PTPRK: variants seen among roughly 807,000 people sequenced by gnomAD.
PTPRK encodes receptor-type tyrosine-protein phosphatase kappa.
In PTPRK, 75 loss-of-function variants were observed where a neutral mutation model predicts 178.0. The ratio of observed to expected loss-of-function variants is 0.42; its 90% CI spans 0.35 to 0.51. The LOEUF (loss-of-function observed/expected upper bound fraction) is 0.51, where lower values mean the gene tolerates loss of function less well. PTPRK is among the 20% of genes least tolerant of loss of function. The pLI is 0.02. For synonymous variants in PTPRK, 637 were observed against 620.6 expected (o/e 1.03, Z -0.39); for missense variants, 1,441 against 1,797.8 (o/e 0.80, Z 3.59).
intron 1 of PTPRK, among the ~76,000 whole-genome samples, chr6:128,493,556 G>A (rs1406790548): frequency 8.4e-5 from 11 of 130,786 alleles, no homozygotes; most frequent in South Asian, 2.4e-4. Flanking sequence ...GCGAGACTCC[G>A]TCTCAAAAAA....
chr6:128,371,803 G>C (rs1836330158), intron 2 of PTPRK, among the ~76,000 whole-genome samples: 1 of 151,944 alleles, frequency 6.6e-6, no homozygotes, highest in Admixed American at 6.6e-5. Context: ...TTAAACCTGG[G>C]AGGTCGAGGC....
chr6:128,346,791 C>T (rs757238497), intron 2 of PTPRK, among the ~76,000 whole-genome samples: 8 of 151,946 alleles, frequency 5.3e-5, no homozygotes, highest in Admixed American at 5.2e-4. Context: ...ATAGGATTAC[C>T]GTGAGGAATA....
chr6:128,124,103 G>A (rs1792935508), intron 7 of PTPRK, among the ~76,000 whole-genome samples: 1 of 151,438 alleles, frequency 6.6e-6, no homozygotes, highest in Non-Finnish European at 1.5e-5. Flanking sequence ...AAGTTCAGTG[G>A]CAACATCTCA....
intron 7 of PTPRK, among the ~76,000 whole-genome samples, chr6:128,111,138 A>T (rs1042864243): frequency 6.6e-6 from 1 of 152,218 alleles, no homozygotes; most frequent in Non-Finnish European, 1.5e-5. Context: ...CACTGCTATA[A>T]CCAAATATGA....
At chr6:128,007,147 T>G (rs185726889) in intron 14 of PTPRK, among the ~76,000 whole-genome samples, 99 of 151,002 alleles carry the variant, frequency 6.6e-4, no homozygotes, top group African/African-American at 2.3e-3. Context: ...TCTATACTTT[T>G]TTATATGTAT....
chr6:128,254,739 C>CA (rs374863884), intron 3 of PTPRK, among the ~76,000 whole-genome samples: 16,653 of 145,176 alleles, frequency 0.11, 970 homozygotes, highest in African/African-American at 0.14. Flanking sequence ...AGAAGTTAGT[C>CA]AAAAAAAAAA....
At chr6:128,257,318 CATTTT>C (rs985298136) in intron 3 of PTPRK, among the ~76,000 whole-genome samples, 1 of 150,970 alleles carries the variant, frequency 6.6e-6, no homozygotes, top group African/African-American at 2.4e-5. Flanking sequence ...TGCCTTTTTT[CATTTT>C]ATTTTATTTT....
chr6:128,086,719 A>G (rs1416696756), intron 8 of PTPRK, among the ~76,000 whole-genome samples: 1 of 152,166 alleles, frequency 6.6e-6, no homozygotes, highest in Non-Finnish European at 1.5e-5. Context: ...TTCTATGTAC[A>G]AAGTGAAGCT....
At chr6:128,082,715 T>C (rs371789012) in intron 9 of PTPRK, 77 bp from the exon 10 acceptor site, 54 of 1,157,712 alleles carry the variant, frequency 4.7e-5, no homozygotes, top group South Asian at 4.2e-4. Flanking sequence ...ATAAATAAGG[T>C]AGTATGCAAG....
At chr6:128,351,933 C>G (rs1452890208) in intron 2 of PTPRK, among the ~76,000 whole-genome samples, 1 of 152,028 alleles carries the variant, frequency 6.6e-6, no homozygotes, top group African/African-American at 2.4e-5. Context: ...TTCTATTGGG[C>G]CTTCTGATTA....
intron 1 of PTPRK, chr6:128,472,705 C>T: frequency 2.9e-6 from 1 of 350,870 alleles, no homozygotes; most frequent in Non-Finnish European, 5.6e-6. Flanking sequence ...TATATATTTC[C>T]AACTGTAACA....
intron 13 of PTPRK, among the ~76,000 whole-genome samples, chr6:128,056,832 A>G (rs985831541): frequency 1.3e-5 from 2 of 152,224 alleles, no homozygotes; most frequent in Non-Finnish European, 2.9e-5. Flanking sequence ...ATGAATGGGT[A>G]ATGGATAAAC....
intron 7 of PTPRK, among the ~76,000 whole-genome samples, chr6:128,103,651 T>C (rs1338284086): frequency 6.6e-6 from 1 of 152,202 alleles, no homozygotes; most frequent in Non-Finnish European, 1.5e-5. Flanking sequence ...CATCACATCC[T>C]TTTCATCAGA....
At chr6:128,122,464 A>G (rs1325173223) in intron 7 of PTPRK, among the ~76,000 whole-genome samples, 1 of 152,190 alleles carries the variant, frequency 6.6e-6, no homozygotes, top group East Asian at 1.9e-4. Flanking sequence ...AGAGACTGAT[A>G]AAACTTCTTA....
At chr6:128,394,913 T>C (rs1046745764) in intron 2 of PTPRK, among the ~76,000 whole-genome samples, 5 of 152,170 alleles carry the variant, frequency 3.3e-5, no homozygotes, top group Non-Finnish European at 5.9e-5. Context: ...AGCCAGTTAA[T>C]AGCACCAAGT....
chr6:128,000,852 G>C (rs191622591), intron 15 of PTPRK, among the ~76,000 whole-genome samples: 87 of 152,134 alleles, frequency 5.7e-4, no homozygotes, highest in African/African-American at 1.9e-3. Flanking sequence ...ACTTTTACCT[G>C]CTGGAGTAGC....
rs552312311 is a variant in PTPRK, at chr6:128,376,100, G to A, written c.223+21466C>T. 7.2e-5 allele frequency among the ~76,000 whole-genome samples: 11 copies of A among 152,268 alleles called. 1 individual carries two copies. The South Asian group carries it at 1.2e-3, about 17-fold the overall frequency. ...TGGATCTACTATTCTGGTGTCTGAA[G>A]GACAGTGGCCCTCTTCTCACTGCTC... On this transcript the variant is annotated intron_variant, in intron 2 of 29. Transcript: ENST00000368226.
intron 14 of PTPRK, among the ~76,000 whole-genome samples, chr6:128,008,641 A>AT (rs1778698499): frequency 1.3e-5 from 2 of 151,224 alleles, no homozygotes; most frequent in East Asian, 3.9e-4. Context: ...TTTACTCTCT[A>AT]TTTTAAAAGG....
chr6:128,272,231 G>A (rs1251803848), intron 3 of PTPRK, among the ~76,000 whole-genome samples: 4 of 152,122 alleles, frequency 2.6e-5, no homozygotes, highest in African/African-American at 9.7e-5. Flanking sequence ...AGACTTAAAT[G>A]TTAGACCTAA....
Sources: allele counts gnomAD v4.1 joint callset (sites outside exome capture counted in the v4.1 genomes callset), GRCh38; gene constraint gnomAD v4.1.1; transcripts MANE v1.5; gene names NCBI Gene and HGNC (gene_info 2026-07-23, HGNC 2026-07-21).